ANKIB1: variants seen among roughly 807,000 people sequenced by gnomAD.
The protein encoded by ANKIB1 is ankyrin repeat and IBR domain-containing protein 1.
A neutral mutation model predicts 122.1 loss-of-function variants in ANKIB1; 43 were observed. That is an observed-to-expected ratio of 0.35 (90% CI 0.28 to 0.45). The LOEUF (loss-of-function observed/expected upper bound fraction) is 0.45. Ranked by LOEUF, ANKIB1 falls within the 20% of genes least tolerant of loss-of-function variation. The pLI, the probability that ANKIB1 is intolerant of heterozygous loss-of-function variation, is 1.00. For synonymous variants in ANKIB1, 390 were observed against 442.0 expected (o/e 0.88, Z 1.48); for missense variants, 992 against 1,329.5 (o/e 0.75, Z 3.95).
At chr7:92,353,358 ACT>A (rs1803706250) in intron 9 of ANKIB1, among the ~76,000 whole-genome samples, 1 of 152,104 alleles carries the variant, frequency 6.6e-6, no homozygotes, top group African/African-American at 2.4e-5. Context: ...AGGATATGTA[ACT>A]CTGAATACTC....
At position 92,309,936 on chromosome 7, in the gene ANKIB1, A is replaced by T. The variant is rs1414942805; in HGVS notation, c.486+2280A>T. ...CGAGACTCCATCTAAAAAAAAAAAAAAAAAAAATATATATATATATATATA... is the reference window on the plus strand; with the variant it reads ...CGAGACTCCATCTAAAAAAAAAAAATAAAAAAATATATATATATATATATA... On this transcript the variant is annotated intron_variant, in intron 3 of 19. Transcript: ENST00000265742. 2.5e-4 allele frequency among the ~76,000 whole-genome samples: 29 copies of T among 115,124 alleles called. 1 individual carries two copies. In the East Asian group the frequency reaches 3.0e-3, roughly 12 times the overall value. 75.5% of individuals were successfully genotyped at this position (115,124 alleles called of 152,430 possible).
At chr7:92,269,672 G>A (rs1387187157) in intron 1 of ANKIB1, among the ~76,000 whole-genome samples, 1 of 152,132 alleles carries the variant, frequency 6.6e-6, no homozygotes, top group African/African-American at 2.4e-5. Flanking sequence ...TACCTTCCAA[G>A]GGGTTAGCAG....
intron 1 of ANKIB1, among the ~76,000 whole-genome samples, chr7:92,250,824 G>GT (rs1326889535): frequency 6.6e-6 from 1 of 152,020 alleles, no homozygotes; most frequent in East Asian, 1.9e-4. Flanking sequence ...TTAAAACATG[G>GT]TTTTTCACTG....
rs1383411510 is a variant in ANKIB1 at position 92,351,003 on chromosome 7, C to A, written c.1139C>A (p.Ala380Glu). The A allele has an allele frequency of 6.2e-7, 1 of 1,606,234 alleles. No individual in the cohort carries two copies. Among genetic ancestry groups the A allele is most frequent in the Non-Finnish European group, 8.5e-7 (1 of 1,176,206 alleles). ...EGEAHNIFCP[A>E]YDCFQLVPVD... ...GAAGCTCACAACATTTTTTGCCCTG[C>A]ATATGATTGCTTCCAACTTGTACCT... The change falls in exon 8 of 20, where the codon GCA becomes GAA. Residue 380 changes from alanine to glutamate, a missense_variant. By Grantham distance (107) the Ala-to-Glu change is moderately radical. Coordinates refer to ENST00000265742, the MANE Select transcript of ANKIB1 (RefSeq NM_019004.2).
chr7:92,263,582 A>G (rs1344673150), intron 1 of ANKIB1, among the ~76,000 whole-genome samples: 1 of 152,168 alleles, frequency 6.6e-6, no homozygotes, highest in South Asian at 2.1e-4. Context: ...AGCTAAGGTC[A>G]GGAATATTAT....
At chr7:92,253,626 T>C (rs1196773301) in intron 1 of ANKIB1, among the ~76,000 whole-genome samples, 1 of 152,216 alleles carries the variant, frequency 6.6e-6, no homozygotes, top group East Asian at 1.9e-4. Context: ...ATACACATAG[T>C]TTCCCCAGAC....
At chr7:92,249,659 G>A (rs539840022) in intron 1 of ANKIB1, among the ~76,000 whole-genome samples, 15 of 152,104 alleles carry the variant, frequency 9.9e-5, no homozygotes, top group African/African-American at 1.9e-4. Flanking sequence ...GGTGGAGGTT[G>A]CAGTGAGCTG....
At chr7:92,255,524 AT>A (rs1219807160) in intron 1 of ANKIB1, among the ~76,000 whole-genome samples, 1 of 152,146 alleles carries the variant, frequency 6.6e-6, no homozygotes, top group African/African-American at 2.4e-5. Flanking sequence ...GTTTCGTTAT[AT>A]TCTTTCGCTC....
intron 9 of ANKIB1, among the ~76,000 whole-genome samples, chr7:92,355,624 G>T (rs1803785629): frequency 6.6e-6 from 1 of 151,866 alleles, no homozygotes; most frequent in Non-Finnish European, 1.5e-5. Context: ...CCGAGGCAGG[G>T]GGATCATGAG....
intron 7 of ANKIB1, among the ~76,000 whole-genome samples, chr7:92,347,641 A>G (rs908900102): frequency 6.6e-6 from 1 of 152,136 alleles, no homozygotes; most frequent in African/African-American, 2.4e-5. Flanking sequence ...GACAGATTAG[A>G]TAGAAATTAT....
At chr7:92,345,590 C>T (rs190239164) in intron 7 of ANKIB1, among the ~76,000 whole-genome samples, 8 of 152,268 alleles carry the variant, frequency 5.3e-5, no homozygotes, top group Admixed American at 3.3e-4. Context: ...TTACCCTTCC[C>T]GTTACCTTTC....
intron 10 of ANKIB1, among the ~76,000 whole-genome samples, chr7:92,364,170 C>T (rs939393837): frequency 1.3e-5 from 2 of 151,554 alleles, no homozygotes; most frequent in Non-Finnish European, 2.9e-5. Context: ...TAAATTAGTC[C>T]GGCATGGTGG....
At chr7:92,396,528 C>T in intron 18 of ANKIB1, 52 bp downstream of exon 18, 1 of 875,846 alleles carries the variant, frequency 1.1e-6, no homozygotes, top group Non-Finnish European at 1.8e-6. Flanking sequence ...CTGAATTTAT[C>T]CTTCAAACTG....
At chr7:92,290,301 G>GTT (rs1802218013) in intron 1 of ANKIB1, among the ~76,000 whole-genome samples, 1 of 152,002 alleles carries the variant, frequency 6.6e-6, no homozygotes, top group Non-Finnish European at 1.5e-5. Flanking sequence ...GCATTTAGTT[G>GTT]TAGATTTAAG....
At position 92,343,009 on chromosome 7, in the gene ANKIB1, C is replaced by A; in HGVS notation, c.788-15C>A. The stretch of plus-strand genomic sequence containing the variant: ...TTTTCTTTTTTGAGAGCTATCCATT[C>A]CATTTTTCTTTAAGACTGGGACAGG... On this transcript the variant is annotated splice_polypyrimidine_tract_variant and intron_variant, in intron 5 of 19. Coordinates refer to ENST00000265742, the MANE Select transcript of ANKIB1 (RefSeq NM_019004.2). The A allele has an allele frequency of 6.2e-7, 1 of 1,609,790 alleles. No individual in the cohort carries two copies. The highest frequency in any genetic ancestry group is 8.5e-7 in the Non-Finnish European group (1 of 1,176,228).
rs970319205 is a variant in ANKIB1 at position 92,254,996 on chromosome 7, G to A, written c.-91+8477G>A. Among the ~76,000 whole-genome samples, 50 of 152,138 alleles carry A rather than the reference G, an allele frequency of 3.3e-4. 1 individual carries two copies. Among genetic ancestry groups the A allele is most frequent in the African/African-American group, 1.2e-3 (49 of 41,434 alleles). On this transcript the variant is annotated intron_variant, in intron 1 of 19. Coordinates refer to ENST00000265742, the MANE Select transcript of ANKIB1 (RefSeq NM_019004.2). ...ACACAAGATCTGATGGTTTTAAAAA[G>A]GGGAGTTTTCCTTCACAAGCTCTCT... is the stretch of plus-strand genomic sequence containing the variant.
At chr7:92,350,034 GA>G (rs1221333108) in intron 7 of ANKIB1, among the ~76,000 whole-genome samples, 2 of 148,570 alleles carry the variant, frequency 1.3e-5, no homozygotes, top group Admixed American at 6.7e-5. Context: ...GAAAAGGAAA[GA>G]AAAAAAAGAA....
chr7:92,249,427 A>G (rs985496761), intron 1 of ANKIB1, among the ~76,000 whole-genome samples: 5 of 152,186 alleles, frequency 3.3e-5, no homozygotes, highest in African/African-American at 9.7e-5. Flanking sequence ...TATCCTGTGT[A>G]TAAGAATAAG....
chr7:92,341,147 A>C (rs937277308), intron 5 of ANKIB1, among the ~76,000 whole-genome samples: 6 of 152,002 alleles, frequency 3.9e-5, no homozygotes, highest in Non-Finnish European at 4.4e-5. Context: ...TCTACTAAAA[A>C]ATATGTATAA....
Sources: allele counts gnomAD v4.1 joint callset (sites outside exome capture counted in the v4.1 genomes callset), GRCh38; gene constraint gnomAD v4.1.1; transcripts MANE v1.5; gene names NCBI Gene and HGNC (gene_info 2026-07-23, HGNC 2026-07-21).